Variants in PRLR observed in about 807,000 individuals in gnomAD.
PRLR encodes the protein hPRL receptor.
PRLR carries 13 observed loss-of-function variants against 40.2 expected under a neutral mutation model. The ratio of observed to expected loss-of-function variants is 0.32; its 90% CI spans 0.21 to 0.51. The LOEUF (loss-of-function observed/expected upper bound fraction) is 0.51. PRLR is among the 20% of genes least tolerant of loss of function. The pLI is 0.97. For synonymous variants in PRLR, 269 were observed against 278.7 expected (o/e 0.97, Z 0.35); for missense variants, 656 against 747.3 (o/e 0.88, Z 1.42).
intron 1 of PRLR, among the ~76,000 whole-genome samples, chr5:35,141,923 A>T (rs1415202485): frequency 6.6e-6 from 1 of 151,924 alleles, no homozygotes; most frequent in Non-Finnish European, 1.5e-5. Context: ...CGTCTCCTCC[A>T]CTCTGTGAGG....
rs1375270003 is a variant in PRLR, at chr5:35,058,438, T to C, written c.*6651A>G. 2.0e-5 allele frequency: 3 copies of C among 152,196 alleles called. No individual in the cohort carries two copies. Among genetic ancestry groups the C allele is most frequent in the Non-Finnish European group, 4.4e-5 (3 of 68,044 alleles). 9.4% of individuals were successfully genotyped at this position (152,196 alleles called of 1,614,324 possible). A position where few individuals can be genotyped will look rare whatever the true frequency, so the allele number is the denominator to read the frequency against. On this transcript the variant is annotated 3_prime_UTR_variant, in exon 10 of 10. Coordinates refer to ENST00000618457, the MANE Select transcript of PRLR (RefSeq NM_000949.7). ...CATTATGCAAAGAACACTTGAGAAGTGTCAGCAGTCACATGAAACAAAGCC... is the reference window on the plus strand; with the variant it reads ...CATTATGCAAAGAACACTTGAGAAGCGTCAGCAGTCACATGAAACAAAGCC...
intron 2 of PRLR, among the ~76,000 whole-genome samples, chr5:35,105,236 G>C (rs1410973283): frequency 1.3e-5 from 2 of 152,144 alleles, no homozygotes; most frequent in Non-Finnish European, 2.9e-5. Context: ...CATCATCAAA[G>C]ACCAAAGGTA....
intron 5 of PRLR, chr5:35,082,139 G>A (rs556100222): frequency 6.6e-6 from 1 of 152,318 alleles, no homozygotes; most frequent in African/African-American, 2.4e-5. Context: ...TCCCTGAAGA[G>A]CAGGTGCTTA....
At chr5:35,167,094 A>G (rs1774854904) in intron 1 of PRLR, among the ~76,000 whole-genome samples, 1 of 152,064 alleles carries the variant, frequency 6.6e-6, no homozygotes, top group South Asian at 2.1e-4. Flanking sequence ...TAGCTTATTC[A>G]CACTAATGCT....
Position 35,061,312 on chromosome 5 carries a change from A to G in PRLR, c.*3777T>C, listed in dbSNP as rs1440625702. ...GCAGGGCCAAGTCTTTCTGCAAATGATGGGCAGTGGTGGACACTTGAGGAA... is the reference window on the plus strand; with the variant it reads ...GCAGGGCCAAGTCTTTCTGCAAATGGTGGGCAGTGGTGGACACTTGAGGAA... On this transcript the variant is annotated 3_prime_UTR_variant, in exon 10 of 10. Coordinates refer to ENST00000618457, the MANE Select transcript of PRLR (RefSeq NM_000949.7). 1 of 152,144 alleles carries G rather than the reference A, an allele frequency of 6.6e-6. No homozygotes were observed. Among genetic ancestry groups the G allele is most frequent in the Non-Finnish European group, 1.5e-5 (1 of 68,034 alleles). The allele number at this position is 152,144 out of a possible 1,614,324, so 9.4% of individuals were successfully genotyped here.
chr5:35,154,392 A>G (rs111661041), intron 1 of PRLR, among the ~76,000 whole-genome samples: 196 of 152,340 alleles, frequency 1.3e-3, no homozygotes, highest in African/African-American at 4.3e-3. Flanking sequence ...GTTATTTAGT[A>G]TCACACTGTC....
chr5:35,160,552 T>C (rs1021715318), intron 1 of PRLR, among the ~76,000 whole-genome samples: 6 of 152,178 alleles, frequency 3.9e-5, no homozygotes, highest in African/African-American at 1.4e-4. Context: ...AGAGCCCCAG[T>C]CTATGGGGAG....
Position 35,057,000 on chromosome 5 carries a change from C to A in PRLR, c.*8089G>T, listed in dbSNP as rs1156487041. On this transcript the variant is annotated 3_prime_UTR_variant, in exon 10 of 10. Coordinates refer to ENST00000618457, the MANE Select transcript of PRLR (RefSeq NM_000949.7). ...AGGTTTAGATCCATTAAAAGATTAT[C>A]CATTTACACTTCATCTGATGGATTT... 6.6e-6 allele frequency: 1 copy of A among 152,146 alleles called. No homozygotes were observed. Among genetic ancestry groups the A allele is most frequent in the Admixed American group, 6.6e-5 (1 of 15,264 alleles). The allele number at this position is 152,146 out of a possible 1,614,324, so 9.4% of individuals were successfully genotyped here.
At position 35,143,309 on chromosome 5, in the gene PRLR, G is replaced by C. The variant is rs1774076235; in HGVS notation, c.-105-25187C>G. ...TTCAAAATACTTTATTTACAAAAAT[G>C]GTTCTAAAACTTTATGAAAATAGAC... is the stretch of plus-strand genomic sequence containing the variant. On this transcript the variant is annotated intron_variant, in intron 1 of 9. Transcript: ENST00000618457. Among the ~76,000 whole-genome samples, 4 of 152,234 alleles carry C rather than the reference G, an allele frequency of 2.6e-5. No individual in the cohort carries two copies. The South Asian group carries it at 8.3e-4, about 32-fold the overall frequency.
intron 7 of PRLR, 50 bp downstream of exon 7, chr5:35,070,074 C>A: frequency 1.9e-6 from 3 of 1,565,400 alleles, no homozygotes; most frequent in East Asian, 2.3e-5. Flanking sequence ...GCAAATATAC[C>A]ATTTAAAACA....
chr5:35,143,195 C>T lies in PRLR; in HGVS notation c.-105-25073G>A, dbSNP rs555010319. Among the ~76,000 whole-genome samples the T allele has an allele frequency of 2.4e-4, 37 of 152,268 alleles. 1 individual carries two copies. Among genetic ancestry groups the T allele is most frequent in the African/African-American group, 7.2e-4 (30 of 41,560 alleles). On this transcript the variant is annotated intron_variant, in intron 1 of 9. Transcript: ENST00000618457. ...GGTAAATATTTTCAGCTTTGTGGCC[C>T]ATAGGGTCTTTGTTGCAACTATAAA... is the stretch of plus-strand genomic sequence containing the variant.
chr5:35,186,775 T>C (rs1454839474), intron 1 of PRLR, among the ~76,000 whole-genome samples: 1 of 152,176 alleles, frequency 6.6e-6, no homozygotes. Flanking sequence ...TTTACAATGT[T>C]CTTGCTTAAA....
intron 5 of PRLR, among the ~76,000 whole-genome samples, chr5:35,075,928 G>T (rs1219754364): frequency 3.3e-5 from 5 of 152,192 alleles, no homozygotes; most frequent in Non-Finnish European, 4.4e-5. Context: ...GGCAAACAGG[G>T]TCTGGAGTGG....
At chr5:35,106,223 G>C (rs185135960) in intron 2 of PRLR, among the ~76,000 whole-genome samples, 113 of 152,290 alleles carry the variant, frequency 7.4e-4, no homozygotes, top group Non-Finnish European at 1.3e-3. Flanking sequence ...GCTCCTGAAG[G>C]AAGCACTAAA....
chr5:35,228,408 C>G (rs2111699483), intron 1 of PRLR, among the ~76,000 whole-genome samples: 1 of 152,246 alleles, frequency 6.6e-6, no homozygotes, highest in Admixed American at 6.5e-5. Flanking sequence ...TAGTGGAACA[C>G]CCAGGGTCCC....
intron 2 of PRLR, among the ~76,000 whole-genome samples, chr5:35,093,979 A>G (rs1022936696): frequency 6.6e-6 from 1 of 152,208 alleles, no homozygotes; most frequent in Admixed American, 6.5e-5. Context: ...AGGTTTGTAT[A>G]AGTATACTCT....
chr5:35,108,189 A>G (rs1046850448), intron 2 of PRLR, among the ~76,000 whole-genome samples: 2 of 152,048 alleles, frequency 1.3e-5, no homozygotes, highest in Non-Finnish European at 2.9e-5. Context: ...CATGCTAAAA[A>G]CTCTCAATAA....
chr5:35,086,249 T>C lies in PRLR; in HGVS notation c.162A>G (p.Gly54=). The C allele has an allele frequency of 6.2e-7, 1 of 1,614,056 alleles. No individual in the cohort carries two copies. The highest frequency in any genetic ancestry group is 1.1e-5 in the South Asian group (1 of 91,072). Residue 54 remains glycine, a synonymous_variant, in exon 4 of 10, where the codon GGA becomes GGG. Transcript: ENST00000618457. ...FTCWWRPGTD[G]GLPTNYSLTY... is the part of the protein sequence containing the mutation. ...TCAGTGAATAATTGGTAGGAAGTCC[T>C]CCATCTGTCCCAGGCCTCCACCAGC...
At chr5:35,147,687 C>A (rs1270327753) in intron 1 of PRLR, among the ~76,000 whole-genome samples, 1 of 151,998 alleles carries the variant, frequency 6.6e-6, no homozygotes, top group African/African-American at 2.4e-5. Flanking sequence ...TTAAAAGAAC[C>A]AGAATATAGA....
Sources: gnomAD v4.1 joint callset for allele counts (sites outside exome capture counted in the v4.1 genomes callset) on GRCh38, gnomAD v4.1.1 for gene constraint, MANE v1.5 for transcripts, NCBI Gene and HGNC (gene_info 2026-07-23, HGNC 2026-07-21) for gene names.